The following SLC24A2 variants were observed in gnomAD, a reference collection of about 807,000 sequenced individuals.
The protein encoded by SLC24A2 is solute carrier family 24 member 2.
Under a neutral mutation model 62.0 loss-of-function variants are expected in SLC24A2, and 36 were observed. The ratio of observed to expected loss-of-function variants is 0.58; its 90% confidence interval spans 0.44 to 0.77. SLC24A2 has a LOEUF of 0.77. Ranked by LOEUF, SLC24A2 falls within the 30% of genes least tolerant of loss-of-function variation. SLC24A2 has a pLI of 0.00. For synonymous variants in SLC24A2, 358 were observed against 294.0 expected (o/e 1.22, Z -2.23); for missense variants, 846 against 817.9 (o/e 1.03, Z -0.42).
chr9:20,045,219 C>T, the SLC24A2 span, among the ~76,000 whole-genome samples: 1 of 152,058 alleles, frequency 6.6e-6, no homozygotes, highest in South Asian at 2.1e-4. Context: ...ATGCTTGCAG[C>T]CTAGTGGGGA....
the SLC24A2 span, among the ~76,000 whole-genome samples, chr9:20,187,905 C>A: frequency 6.6e-6 from 1 of 152,184 alleles, no homozygotes; most frequent in East Asian, 1.9e-4. Flanking sequence ...CAGGATCCCA[C>A]ATGATTCCTC....
the SLC24A2 span, among the ~76,000 whole-genome samples, chr9:19,962,138 T>C: frequency 1.3e-5 from 2 of 152,236 alleles, no homozygotes; most frequent in Non-Finnish European, 1.5e-5. Flanking sequence ...TGAACTTTTA[T>C]GGACTGCTCA....
chr9:19,734,324 C>G (rs1024879582), intron 2 of SLC24A2, among the ~76,000 whole-genome samples: 11 of 152,156 alleles, frequency 7.2e-5, no homozygotes, highest in Non-Finnish European at 1.3e-4. Context: ...TAGCGTGATG[C>G]CTCCAGCTTT....
chr9:20,286,268 C>G, the SLC24A2 span, among the ~76,000 whole-genome samples: 1 of 152,178 alleles, frequency 6.6e-6, no homozygotes, highest in Non-Finnish European at 1.5e-5. Context: ...GCTTATTTTT[C>G]TCATATTCAA....
At chr9:20,260,519 C>A in the SLC24A2 span, among the ~76,000 whole-genome samples, 2 of 152,324 alleles carry the variant, frequency 1.3e-5, no homozygotes, top group East Asian at 3.9e-4. Context: ...TATCAATTTT[C>A]AATTTCATTT....
chr9:19,995,758 A>C, the SLC24A2 span, among the ~76,000 whole-genome samples: 93 of 152,364 alleles, frequency 6.1e-4, no homozygotes, highest in African/African-American at 2.2e-3. Flanking sequence ...GAGGGAGCCC[A>C]TATGCAAATC....
At chr9:19,721,140 G>A (rs1161145218) in intron 2 of SLC24A2, among the ~76,000 whole-genome samples, 1 of 151,908 alleles carries the variant, frequency 6.6e-6, no homozygotes, top group East Asian at 1.9e-4. Flanking sequence ...AAATTCCTCA[G>A]AATAAACTAA....
chr9:20,012,739 C>A, the SLC24A2 span, among the ~76,000 whole-genome samples: 1 of 151,962 alleles, frequency 6.6e-6, no homozygotes, highest in African/African-American at 2.4e-5. Context: ...CAATAATGAA[C>A]TACTCAAAAA....
the SLC24A2 span, among the ~76,000 whole-genome samples, chr9:19,850,983 ATG>A: frequency 0.045 from 1,735 of 38,886 alleles, 69 homozygotes; most frequent in African/African-American, 0.063. Context: ...ATATATATAT[ATG>A]TATATATATA....
the SLC24A2 span, among the ~76,000 whole-genome samples, chr9:19,938,721 G>C: frequency 6.6e-5 from 10 of 151,986 alleles, no homozygotes; most frequent in African/African-American, 2.4e-4. Context: ...TTGGTGTTTT[G>C]TAAACTGAGA....
chr9:19,630,052 T>C (rs1007632287), intron 2 of SLC24A2, among the ~76,000 whole-genome samples: 1 of 152,218 alleles, frequency 6.6e-6, no homozygotes, highest in African/African-American at 2.4e-5. Flanking sequence ...GTTATATCAT[T>C]AAATTAACTA....
At chr9:20,153,726 G>A in the SLC24A2 span, among the ~76,000 whole-genome samples, 1 of 151,682 alleles carries the variant, frequency 6.6e-6, no homozygotes, top group Non-Finnish European at 1.5e-5. Flanking sequence ...TCAAACAAAC[G>A]AACACAAATT....
At chr9:19,526,777 T>A (rs1833464995) in intron 9 of SLC24A2, among the ~76,000 whole-genome samples, 1 of 152,178 alleles carries the variant, frequency 6.6e-6, no homozygotes, top group Non-Finnish European at 1.5e-5. Context: ...TTGCAAATAT[T>A]TTCTTCCAGC....
At chr9:19,603,953 A>G (rs1836915978) in intron 4 of SLC24A2, among the ~76,000 whole-genome samples, 1 of 152,142 alleles carries the variant, frequency 6.6e-6, no homozygotes, top group Non-Finnish European at 1.5e-5. Context: ...TGTTCCAACT[A>G]TACACTTTTG....
At chr9:19,789,369 A>G (rs1416322789), upstream of SLC24A2, among the ~76,000 whole-genome samples, 1 of 152,196 alleles carries the variant, frequency 6.6e-6, no homozygotes, top group Non-Finnish European at 1.5e-5. Flanking sequence ...TTATCTGCAA[A>G]AAGTGATAGC....
chr9:20,088,205 G>A, the SLC24A2 span, among the ~76,000 whole-genome samples: 1 of 152,238 alleles, frequency 6.6e-6, no homozygotes, highest in Non-Finnish European at 1.5e-5. Flanking sequence ...CAGGCGGTAG[G>A]CCGCACTTCC....
the SLC24A2 span, among the ~76,000 whole-genome samples, chr9:20,185,664 C>CAAAAAA: frequency 2.2e-5 from 2 of 90,762 alleles, no homozygotes; most frequent in African/African-American, 8.6e-5. Context: ...GACTCCATCT[C>CAAAAAA]AAAAAAAAAA....
the SLC24A2 span, among the ~76,000 whole-genome samples, chr9:19,844,765 T>G: frequency 1.3e-5 from 2 of 152,276 alleles, no homozygotes; most frequent in East Asian, 3.9e-4. Context: ...CACCATTTAT[T>G]AAATAGAGTC....
chr9:19,952,597 T>C, the SLC24A2 span, among the ~76,000 whole-genome samples: 1 of 151,996 alleles, frequency 6.6e-6, no homozygotes, highest in East Asian at 1.9e-4. Flanking sequence ...TTTTTGTTTC[T>C]TTCTTGTGAC....
Sources: gnomAD v4.1 joint callset for allele counts (sites outside exome capture counted in the v4.1 genomes callset) on GRCh38, gnomAD v4.1.1 for gene constraint, MANE v1.5 for transcripts, NCBI Gene and HGNC (gene_info 2026-07-23, HGNC 2026-07-21) for gene names.